FAM9C: variants seen among roughly 807,000 people sequenced by gnomAD.
The protein encoded by FAM9C is protein FAM9C.
A neutral mutation model predicts 14.8 loss-of-function variants in FAM9C; 15 were observed. That is an observed-to-expected ratio of 1.02 (90% CI 0.68 to 1.56). The LOEUF is 1.56. FAM9C is among the 40% of genes most tolerant of loss of function. The pLI, the probability that FAM9C is intolerant of heterozygous loss-of-function variation, is 0.00. For missense variants in FAM9C, 116 were observed against 118.0 expected (o/e 0.98, Z 0.08); for synonymous variants, 45 against 37.5 (o/e 1.20, Z -0.74).
chrX:13,040,733 T>G, intron 5 of FAM9C, 25 bp downstream of exon 5: 1 of 1,001,057 alleles, frequency 1.0e-6, no homozygotes, highest in Non-Finnish European at 1.4e-6. Context: ...TAAATATCAT[T>G]ATTCAAAAAA....
At chrX:13,038,122 A>G (rs963568013) in intron 7 of FAM9C, 17 of 171,870 alleles carry the variant, frequency 9.9e-5, no homozygotes, top group African/African-American at 5.2e-4. Context: ...TAAGGTATCA[A>G]TTTTTATACA....
At position 13,044,553 on chromosome X, in the gene FAM9C, G is replaced by A. The variant is rs2043559726; in HGVS notation, c.-82C>T. Reference sequence around the variant, plus strand: ...AGGGCGTCTCACCTGAGGGAGCCCTGATGTTGCTCCCTCAGAGGACCTGCA... The same window carrying A: ...AGGGCGTCTCACCTGAGGGAGCCCTAATGTTGCTCCCTCAGAGGACCTGCA... On this transcript the variant is annotated 5_prime_UTR_variant, in exon 1 of 8. Transcript: ENST00000380625. 8.9e-6 allele frequency: 1 copy of A among 112,155 alleles called. No homozygotes were observed. The highest frequency in any genetic ancestry group is 1.9e-5 in the Non-Finnish European group (1 of 52,991). 9.2% of individuals were successfully genotyped at this position (112,155 alleles called of 1,213,427 possible). A position where few individuals can be genotyped will look rare whatever the true frequency, so the allele number is the denominator to read the frequency against.
chrX:13,040,198 G>A (rs1292030030), intron 5 of FAM9C: 2 of 523,555 alleles, frequency 3.8e-6, no homozygotes, highest in East Asian at 1.8e-4. Context: ...TTTTCTCCAA[G>A]AGCAGTTTAC....
intron 7 of FAM9C, 30 bp downstream of exon 7, chrX:13,038,386 G>T: frequency 1.9e-6 from 2 of 1,050,805 alleles, no homozygotes; most frequent in Non-Finnish European, 2.5e-6. Flanking sequence ...TATTTTATAA[G>T]AACGTATTGT....
chrX:13,039,844 T>C lies in FAM9C; in HGVS notation c.402A>G (p.Lys134=). The C allele has an allele frequency of 8.3e-7, 1 of 1,208,779 alleles. No individual in the cohort carries two copies. Among genetic ancestry groups the C allele is most frequent in the Non-Finnish European group, 1.1e-6 (1 of 894,506 alleles). Residue 134 remains lysine (K), a synonymous_variant, in exon 6 of 8, where the codon AAA becomes AAG. Transcript: ENST00000380625. ...VLEEFITDEQ[K]DEEGDGEKEE... is the part of the protein sequence containing the mutation. ...CCTTTTCTCCATCTCCTTCCTCATC[T>C]TTCTGCTCATCTGTGATGAACTCTT...
At chrX:13,040,333 C>T (rs1471439026) in intron 5 of FAM9C, 9 of 759,615 alleles carry the variant, frequency 1.2e-5, no homozygotes, top group Admixed American at 1.6e-4. Context: ...CACTTTGGCA[C>T]GACAATGATC....
chrX:13,038,352 T>C, intron 7 of FAM9C, 64 bp downstream of exon 7: 1 of 884,869 alleles, frequency 1.1e-6, no homozygotes, highest in Non-Finnish European at 1.5e-6. Context: ...AAGCAGATTG[T>C]CTTCTATTTT....
rs755264143 is a variant in FAM9C at position 13,040,789 on chromosome X, T to C, written c.298A>G (p.Lys100Glu). The change falls in exon 5 of 8, where the codon AAA (lysine) becomes GAA (glutamate). Residue 100 changes from lysine to glutamate, a missense_variant. Coordinates refer to ENST00000380625, the MANE Select transcript of FAM9C (RefSeq NM_174901.6). ...KACSEIKNRI[K>E]NVLRTTQLKR... is the part of the protein sequence containing the mutation. The stretch of plus-strand genomic sequence containing the variant: ...AGTTGTGTTGTTCTCAAAACATTTT[T>C]AATTCTGTTCTTTATTTCGCTGCAA... 1 of 1,191,355 alleles carries C rather than the reference T, an allele frequency of 8.4e-7. No homozygotes were observed. The highest frequency in any genetic ancestry group is 1.9e-5 in the South Asian group (1 of 52,427).
intron 2 of FAM9C, 50 bp downstream of exon 2, chrX:13,043,677 GAC>G: frequency 1.7e-6 from 2 of 1,196,452 alleles, no homozygotes; most frequent in Admixed American, 4.3e-5. Context: ...CCAGAAAGCA[GAC>G]AGACTGTTGG....
At chrX:13,043,376 T>C (rs1416554303) in intron 2 of FAM9C, 128 bp from the exon 3 acceptor site, 3 of 917,139 alleles carry the variant, frequency 3.3e-6, no homozygotes, top group African/African-American at 2.0e-5. Flanking sequence ...CGCAGAGCTA[T>C]ACATGGAATC....
Position 13,043,867 on chromosome X carries a change from G to T in FAM9C, c.-68-10C>A. On this transcript the variant is annotated splice_polypyrimidine_tract_variant and intron_variant, in intron 1 of 7. Transcript: ENST00000380625. The stretch of plus-strand genomic sequence containing the variant: ...GAGGCGACCTCTGAACCTGGTGAGT[G>T]CAAAGACACACTAAGGACACTAAGG... 1 of 1,002,643 alleles carries T rather than the reference G, an allele frequency of 1.0e-6. No individual in the cohort carries two copies. The highest frequency in any genetic ancestry group is 1.4e-6 in the Non-Finnish European group (1 of 708,424). The allele number at this position is 1,002,643 out of a possible 1,213,427, so 82.6% of individuals were successfully genotyped here.
At chrX:13,039,770 T>C in intron 6 of FAM9C, 38 bp downstream of exon 6, 1 of 1,175,239 alleles carries the variant, frequency 8.5e-7, no homozygotes, top group Non-Finnish European at 1.1e-6. Context: ...GAGACATTGA[T>C]ACAATAGGTT....
rs1209686704 is a variant in FAM9C, at chrX:13,039,808, A to G, written c.438T>C (p.Ile146=). Residue 146 remains isoleucine, a splice_region_variant and synonymous_variant, in exon 6 of 8, where the codon ATT becomes ATC. Transcript: ENST00000380625. ...TCATAAAGCTAAGCCTGATACCAAC[A>G]ATTTGTTCTTCCTTTTCTCCATCTC... ...EEGDGEKEEQ[I]KIFQEQQKRW... 3.3e-6 allele frequency: 4 copies of G among 1,205,861 alleles called. No individual in the cohort carries two copies. In the East Asian group the frequency reaches 1.2e-4, roughly 36 times the overall value.
chrX:13,043,294 G>A, intron 2 of FAM9C, 46 bp from the exon 3 acceptor site: 1 of 1,161,202 alleles, frequency 8.6e-7, no homozygotes, highest in Non-Finnish European at 1.1e-6. Context: ...GGAAGACGCT[G>A]TTGTGGACAT....
chrX:13,044,328 C>CG (rs1569137045), intron 1 of FAM9C, among the ~76,000 whole-genome samples: 1 of 102,909 alleles, frequency 9.7e-6, no homozygotes, highest in Non-Finnish European at 2.0e-5. Flanking sequence ...CCGACCCCCC[C>CG]CCAAACGCTG....
intron 7 of FAM9C, chrX:13,037,965 T>C (rs1276564750): frequency 3.5e-5 from 4 of 113,328 alleles, no homozygotes; most frequent in African/African-American, 1.3e-4. Flanking sequence ...AGTAGTTACA[T>C]TTGCCTACTT....
At chrX:13,038,529 T>C in intron 6 of FAM9C, 26 bp from the exon 7 acceptor site, 8 of 1,166,396 alleles carry the variant, frequency 6.9e-6, no homozygotes, top group Non-Finnish European at 8.1e-6. Flanking sequence ...AAAAAAGTGA[T>C]TAAAATTGGG....
chrX:13,038,810 T>G (rs2043501200), intron 6 of FAM9C, among the ~76,000 whole-genome samples: 1 of 112,407 alleles, frequency 8.9e-6, no homozygotes, highest in South Asian at 3.7e-4. Context: ...AGGTAAGATC[T>G]ATACAGAAAT....
rs748204725 is a variant in FAM9C, at chrX:13,043,110, G to A, written c.182+18C>T. The A allele has an allele frequency of 5.9e-6, 7 of 1,195,631 alleles. No individual in the cohort carries two copies. The Admixed American group carries it at 1.2e-4, about 20-fold the overall frequency. ...AAAAGACCTTATCTGACAGGCAAAA[G>A]GGACTTAAACACTTTACCCCGTGTG... On this transcript the variant is annotated intron_variant, in intron 3 of 7. Transcript: ENST00000380625.
Sources: allele counts gnomAD v4.1 joint callset (sites outside exome capture counted in the v4.1 genomes callset), GRCh38; gene constraint gnomAD v4.1.1; transcripts MANE v1.5; gene names NCBI Gene and HGNC (gene_info 2026-07-23, HGNC 2026-07-21).